HLF: variants seen among roughly 807,000 people sequenced by gnomAD.
The protein encoded by HLF is hepatic leukemia factor.
Under a neutral mutation model 22.6 loss-of-function variants are expected in HLF, and 3 were observed. The ratio of observed to expected loss-of-function variants is 0.13; its 90% CI spans 0.06 to 0.34. The LOEUF is 0.34. HLF is among the 10% of genes least tolerant of loss of function. The pLI, the probability that HLF is intolerant of heterozygous loss-of-function variation, is 1.00. For missense variants in HLF, 299 were observed against 389.2 expected, an observed-to-expected ratio of 0.77 and a Z score of 1.95; for synonymous variants, 151 against 151.8, an observed-to-expected ratio of 0.99 and a Z score of 0.04.
At chr17:55,314,940 G>A (rs1598409515) in intron 2 of HLF, among the ~76,000 whole-genome samples, 1 of 152,196 alleles carries the variant, frequency 6.6e-6, no homozygotes, top group South Asian at 2.1e-4. Flanking sequence ...CTGGCACATC[G>A]CTGTGTGATA....
rs561233390 is a variant in HLF, at chr17:55,315,403, A to G, written c.628A>G (p.Met210Val). Residue 210 changes from methionine (M) to valine (V), a missense_variant, in exon 3 of 4, where the codon ATG becomes GTG. Physicochemically the swap from Met to Val is conservative, Grantham distance 21. Around this residue, in one of 3 missense-constraint regions of HLF, gnomAD observed 224 missense variants for 298.1 expected, o/e 0.75. Transcript: ENST00000226067. ...FSEEELKPQP[M>V]IKKARKVFIP... The stretch of plus-strand genomic sequence containing the variant: ...TGAGGAAGAACTGAAGCCACAGCCC[A>G]TGATCAAGAAAGCTCGCAAAGTCTT... The G allele has an allele frequency of 3.1e-6, 5 of 1,614,198 alleles. No individual in the cohort carries two copies. Among genetic ancestry groups the G allele is most frequent in the South Asian group, 2.2e-5 (2 of 91,084 alleles).
chr17:55,296,445 T>C (rs1169660960), intron 2 of HLF, among the ~76,000 whole-genome samples: 1 of 152,204 alleles, frequency 6.6e-6, no homozygotes, highest in African/African-American at 2.4e-5. Context: ...TTTATAAGCA[T>C]TTATATACAT....
In HLF at chr17:55,320,684, G is replaced by A; in HGVS notation, c.693G>A (p.Arg231=). ...AGCAGGATGACAAGTACTGGGCAAG[G>A]CGCAGAAAGAACAACATGGCAGCCA... is the stretch of plus-strand genomic sequence containing the variant. The part of the protein sequence containing the change: ...DDLKDDKYWA[R]RRKNNMAAKR... Residue 231 remains arginine (R), a synonymous_variant, in exon 4 of 4, where the codon AGG becomes AGA. Transcript: ENST00000226067. This position sits in a 1 kb window ranked among gnomAD's most constrained non-coding sequence, Gnocchi z 4.2. 1 of 1,614,194 alleles carries A rather than the reference G, an allele frequency of 6.2e-7. No individual in the cohort carries two copies.
At chr17:55,266,860 C>T (rs1567809020) in intron 1 of HLF, 8 of 937,560 alleles carry the variant, frequency 8.5e-6, no homozygotes, top group Non-Finnish European at 1.0e-5. Context: ...TTCCAGGTAG[C>T]AAATAGCTGC....
intron 2 of HLF, among the ~76,000 whole-genome samples, chr17:55,280,892 T>G (rs1204222098): frequency 6.6e-6 from 1 of 152,170 alleles, no homozygotes; most frequent in Admixed American, 6.5e-5. Flanking sequence ...AAAAATAGAT[T>G]ATTTGGAAGA....
chr17:55,294,889 A>G (rs538236534), intron 2 of HLF, among the ~76,000 whole-genome samples: 381 of 152,352 alleles, frequency 2.5e-3, no homozygotes, highest in African/African-American at 8.8e-3. Context: ...AGTCGGATAC[A>G]CAGCTGTCAT....
Position 55,324,814 on chromosome 17 carries a change from CAT to C in HLF, c.*3936_*3937del, listed in dbSNP as rs1491441211. 67 of 225,686 alleles carry C rather than the reference CAT, an allele frequency of 3.0e-4. 1 individual carries two copies. In the South Asian group the frequency reaches 8.7e-3, roughly 29 times the overall value. The allele number at this position is 225,686 out of a possible 1,614,324, so 14.0% of individuals were successfully genotyped here. A position where few individuals can be genotyped will look rare whatever the true frequency, so the allele number is the denominator to read the frequency against. ...GAGTGTGTGTGTGTGTGTGTGCGTG[CAT>C]GTGTGTGTGTGTGTATGTGTGTGAA... On this transcript the variant is annotated 3_prime_UTR_variant, in exon 4 of 4. Transcript: ENST00000226067.
intron 2 of HLF, among the ~76,000 whole-genome samples, chr17:55,293,386 C>T (rs905082441): frequency 6.6e-6 from 1 of 152,148 alleles, no homozygotes; most frequent in African/African-American, 2.4e-5. Context: ...GGCAGAGCTT[C>T]CCCCTTTATC....
chr17:55,277,082 G>A (rs976669197), intron 2 of HLF, among the ~76,000 whole-genome samples: 2 of 152,130 alleles, frequency 1.3e-5, no homozygotes, highest in Non-Finnish European at 2.9e-5. Context: ...GATTTGACTG[G>A]TTCAGAATTT....
intron 1 of HLF, chr17:55,265,943 G>T (rs1875333087): frequency 4.8e-6 from 4 of 831,048 alleles, no homozygotes; most frequent in African/African-American, 1.8e-5. Flanking sequence ...CCCGCCTGCG[G>T]AGGGCAGAGC....
chr17:55,295,509 T>G (rs1567819250), intron 2 of HLF, among the ~76,000 whole-genome samples: 1 of 152,258 alleles, frequency 6.6e-6, no homozygotes. Context: ...GCAAGGGACC[T>G]GCGGCTCTGC....
intron 2 of HLF, among the ~76,000 whole-genome samples, chr17:55,314,109 T>C (rs903222202): frequency 6.6e-6 from 1 of 152,100 alleles, no homozygotes; most frequent in Non-Finnish European, 1.5e-5. Flanking sequence ...AGAGGAGTGA[T>C]TGTAAAATTC....
At chr17:55,282,804 G>A (rs2145317465) in intron 2 of HLF, among the ~76,000 whole-genome samples, 1 of 152,302 alleles carries the variant, frequency 6.6e-6, no homozygotes, top group East Asian at 1.9e-4. Context: ...TGGGGGTAAT[G>A]GAGCTGCTCC....
At chr17:55,299,083 G>A (rs2081134391) in intron 2 of HLF, among the ~76,000 whole-genome samples, 1 of 152,176 alleles carries the variant, frequency 6.6e-6, no homozygotes, top group African/African-American at 2.4e-5. Context: ...CTTACATGAA[G>A]CAGACACTGA....
At chr17:55,274,524 T>C (rs1315028606) in intron 2 of HLF, among the ~76,000 whole-genome samples, 2 of 152,222 alleles carry the variant, frequency 1.3e-5, no homozygotes, top group African/African-American at 4.8e-5. Context: ...CCATGCACAA[T>C]GTCTGTCAGA....
chr17:55,320,609 G>C lies in HLF; in HGVS notation c.673-55G>C, dbSNP rs1567828155. The stretch of plus-strand genomic sequence containing the variant: ...CTGCCCGTGCCCTGGCTGGCACTGG[G>C]CTTTGCTGAAATCTAATATCTTGTT... On this transcript the variant is annotated intron_variant, in intron 3 of 3. Transcript: ENST00000226067. This position sits in a 1 kb window ranked among gnomAD's most constrained non-coding sequence, Gnocchi z 4.2. 1 of 1,551,172 alleles carries C rather than the reference G, an allele frequency of 6.4e-7. No individual in the cohort carries two copies. The highest frequency in any genetic ancestry group is 1.8e-5 in the Admixed American group (1 of 56,772).
intron 2 of HLF, among the ~76,000 whole-genome samples, chr17:55,296,327 G>A (rs904545493): frequency 1.3e-5 from 2 of 152,062 alleles, no homozygotes; most frequent in Non-Finnish European, 2.9e-5. Flanking sequence ...ATTAATATAC[G>A]ATTGTTGTAA....
chr17:55,320,849 C>T lies in HLF; in HGVS notation c.858C>T (p.Ala286=). Residue 286 remains alanine (A), a synonymous_variant, in exon 4 of 4, where the codon GCC becomes GCT. Transcript: ENST00000226067. The surrounding 1 kb of genome is among the most constrained non-coding windows in gnomAD (Gnocchi z 4.2). ...KELGKCKNIL[A]KYEARHGPL ...TGGGCAAATGCAAGAACATACTTGC[C>T]AAGTATGAGGCCAGGCACGGGCCCC... The T allele has an allele frequency of 6.2e-7, 1 of 1,613,266 alleles. No individual in the cohort carries two copies.
In HLF at chr17:55,284,841, G is replaced by T. The variant is rs115743055; in HGVS notation, c.451+16755G>T. On this transcript the variant is annotated intron_variant, in intron 2 of 3. Coordinates refer to ENST00000226067, the MANE Select transcript of HLF (RefSeq NM_002126.5). ...AGGGCACAGTGAATTTGAAAGTCCG[G>T]AGATTAAGTCATATGTTGAAAGAGG... 2.2e-3 allele frequency among the ~76,000 whole-genome samples: 338 copies of T among 152,318 alleles called. 2 individuals carry two copies. Among genetic ancestry groups the T allele is most frequent in the African/African-American group, 8.0e-3 (333 of 41,558 alleles).
Sources: gnomAD v4.1 joint callset for allele counts (sites outside exome capture counted in the v4.1 genomes callset) on GRCh38, gnomAD v4.1.1 for gene constraint, gnomAD v4.1.1 regional missense constraint, Gnocchi (gnomAD v3.1) non-coding constraint, MANE v1.5 for transcripts, NCBI Gene and HGNC (gene_info 2026-07-23, HGNC 2026-07-21) for gene names.